The following ATP8A1 variants were observed in gnomAD, a reference collection of about 807,000 sequenced individuals.
The protein encoded by ATP8A1 is ATPase phospholipid transporting 8A1.
In ATP8A1, 90 loss-of-function variants were observed where a neutral mutation model predicts 177.7. The ratio of observed to expected loss-of-function variants is 0.51; its 90% CI spans 0.43 to 0.60. The LOEUF (loss-of-function observed/expected upper bound fraction) is 0.60. Ranked by LOEUF, ATP8A1 falls within the 20% of genes least tolerant of loss-of-function variation. The pLI is 0.00. For synonymous variants in ATP8A1, 493 were observed against 485.9 expected (o/e 1.01, Z -0.19); for missense variants, 1,072 against 1,392.8 (o/e 0.77, Z 3.67).
chr4:42,656,960 A>C lies in ATP8A1; in HGVS notation c.-87T>G. 7.5e-7 allele frequency: 1 copy of C among 1,332,264 alleles called. No individual in the cohort carries two copies. The highest frequency in any genetic ancestry group is 9.8e-7 in the Non-Finnish European group (1 of 1,016,972). The allele number at this position is 1,332,264 out of a possible 1,614,324, so 82.5% of individuals were successfully genotyped here. A position where few individuals can be genotyped will look rare whatever the true frequency, so the allele number is the denominator to read the frequency against. On this transcript the variant is annotated 5_prime_UTR_variant, in exon 1 of 37. Transcript: ENST00000381668. The stretch of plus-strand genomic sequence containing the variant: ...CGCGGGAGACCCGGCTGCGCCGCGC[A>C]GAGCGCTCAGCTGCAGCCTGGGCCG...
At chr4:42,540,223 C>T (rs925071456) in intron 20 of ATP8A1, among the ~76,000 whole-genome samples, 2 of 152,058 alleles carry the variant, frequency 1.3e-5, no homozygotes, top group Admixed American at 1.3e-4. Context: ...ATCAAAACCA[C>T]AATGAGATGT....
chr4:42,552,900 A>G (rs755286391), intron 16 of ATP8A1, among the ~76,000 whole-genome samples: 1 of 152,090 alleles, frequency 6.6e-6, no homozygotes, highest in Non-Finnish European at 1.5e-5. Context: ...AATCGCTTGA[A>G]CCCGGGAGGC....
chr4:42,464,615 A>T (rs1719531192), intron 27 of ATP8A1, 75 bp downstream of exon 27: 2 of 832,048 alleles, frequency 2.4e-6, no homozygotes. Flanking sequence ...AAACCATGAG[A>T]AAACGTCTCC....
At chr4:42,629,104 A>C (rs1738442490) in intron 1 of ATP8A1, among the ~76,000 whole-genome samples, 1 of 152,190 alleles carries the variant, frequency 6.6e-6, no homozygotes, top group African/African-American at 2.4e-5. Flanking sequence ...TGTATTCAAG[A>C]ATTTCTGTGG....
chr4:42,511,856 A>T (rs572742590), intron 22 of ATP8A1, among the ~76,000 whole-genome samples: 26 of 152,276 alleles, frequency 1.7e-4, no homozygotes, highest in Admixed American at 1.2e-3. Context: ...CTTCTAAATG[A>T]GAAAGATATA....
At chr4:42,516,101 T>G (rs915572111) in intron 22 of ATP8A1, among the ~76,000 whole-genome samples, 1 of 152,240 alleles carries the variant, frequency 6.6e-6, no homozygotes, top group African/African-American at 2.4e-5. Context: ...ATAATTCATT[T>G]ATTCATCAAA....
At chr4:42,510,743 T>A (rs993482788) in intron 22 of ATP8A1, among the ~76,000 whole-genome samples, 1 of 152,156 alleles carries the variant, frequency 6.6e-6, no homozygotes, top group African/African-American at 2.4e-5. Context: ...AGTCCACCAA[T>A]ATAAAATACA....
chr4:42,443,722 C>T, intron 32 of ATP8A1, 50 bp from the exon 33 acceptor site: 1 of 797,494 alleles, frequency 1.3e-6, no homozygotes, highest in African/African-American at 1.7e-5. Flanking sequence ...AGACCGAGTA[C>T]ACAAATACTA....
At chr4:42,572,503 C>T (rs530999279) in intron 14 of ATP8A1, among the ~76,000 whole-genome samples, 7 of 151,598 alleles carry the variant, frequency 4.6e-5, no homozygotes, top group African/African-American at 7.3e-5. Context: ...CAACTCTCTA[C>T]GATGCTAACA....
chr4:42,494,483 G>T (rs1357187683), intron 24 of ATP8A1, among the ~76,000 whole-genome samples: 2 of 152,078 alleles, frequency 1.3e-5, no homozygotes, highest in Non-Finnish European at 2.9e-5. Context: ...TCATGTGACT[G>T]GGATAATTTT....
chr4:42,640,494 G>A (rs1051400137), intron 1 of ATP8A1, among the ~76,000 whole-genome samples: 1 of 152,170 alleles, frequency 6.6e-6, no homozygotes, highest in African/African-American at 2.4e-5. Flanking sequence ...GTGACTGGTG[G>A]GGATCAGTAA....
intron 9 of ATP8A1, among the ~76,000 whole-genome samples, chr4:42,586,145 G>T (rs747781800): frequency 6.6e-6 from 1 of 152,092 alleles, no homozygotes; most frequent in Non-Finnish European, 1.5e-5. Context: ...AGGAACTCTG[G>T]GAAGTCATCA....
In ATP8A1 at chr4:42,411,408, A is replaced by G. The variant is rs1251104311; in HGVS notation, c.*1508T>C. The G allele has an allele frequency of 2.0e-5, 3 of 152,196 alleles. No individual in the cohort carries two copies. Among genetic ancestry groups the G allele is most frequent in the Admixed American group, 1.3e-4 (2 of 15,272 alleles). 9.4% of individuals were successfully genotyped at this position (152,196 alleles called of 1,614,324 possible). A position where few individuals can be genotyped will look rare whatever the true frequency, so the allele number is the denominator to read the frequency against. ...TTTTTTAAAAGAGAAAGTTCTACCTATTTTGCTGGTAAGTCCATGTAAAGG... is the reference window on the plus strand; with the variant it reads ...TTTTTTAAAAGAGAAAGTTCTACCTGTTTTGCTGGTAAGTCCATGTAAAGG... On this transcript the variant is annotated 3_prime_UTR_variant, in exon 37 of 37. Transcript: ENST00000381668.
At position 42,485,621 on chromosome 4, in the gene ATP8A1, A is replaced by G. The variant is rs770922930; in HGVS notation, c.2199T>C (p.Ala733=). Residue 733 remains alanine, a synonymous_variant, in exon 25 of 37, where the codon GCT becomes GCC. Transcript: ENST00000381668. ...LSRHCTTLGD[A]LRKENDFALI... is the part of the protein sequence containing the mutation. Reference sequence around the variant, plus strand: ...GAGCAAAATCATTCTCTTTCCGGAGAGCATCACCAAGGGTAGTACAGTGAC... The same window carrying G: ...GAGCAAAATCATTCTCTTTCCGGAGGGCATCACCAAGGGTAGTACAGTGAC... 1.9e-6 allele frequency: 3 copies of G among 1,613,612 alleles called. No homozygotes were observed. The highest frequency in any genetic ancestry group is 1.1e-5 in the South Asian group (1 of 91,066).
chr4:42,494,038 C>T (rs979399764), intron 24 of ATP8A1, among the ~76,000 whole-genome samples: 6 of 151,174 alleles, frequency 4.0e-5, no homozygotes, highest in Admixed American at 2.6e-4. Context: ...CCCTTCTCTA[C>T]TAAAACAAAA....
chr4:42,637,745 T>G (rs1352470651), intron 1 of ATP8A1, among the ~76,000 whole-genome samples: 1 of 152,214 alleles, frequency 6.6e-6, no homozygotes, highest in Non-Finnish European at 1.5e-5. Context: ...ACCTCTCCCT[T>G]TAACTCTGTC....
rs530611177 is a variant in ATP8A1, at chr4:42,483,595, G to A, written c.2324+1901C>T. ...AAGCCCAGAGGTCCATGTGACTTGTGAGCATCCAGAACAAGGATTTCGGGA... is the reference window on the plus strand; with the variant it reads ...AAGCCCAGAGGTCCATGTGACTTGTAAGCATCCAGAACAAGGATTTCGGGA... On this transcript the variant is annotated intron_variant, in intron 25 of 36. Transcript: ENST00000381668. Among the ~76,000 whole-genome samples the A allele has an allele frequency of 9.9e-5, 15 of 152,258 alleles. No homozygotes were observed. In the South Asian group the frequency reaches 2.9e-3, roughly 29 times the overall value.
At chr4:42,425,857 T>C (rs1714552667) in intron 33 of ATP8A1, among the ~76,000 whole-genome samples, 1 of 151,774 alleles carries the variant, frequency 6.6e-6, no homozygotes, top group Admixed American at 6.6e-5. Flanking sequence ...CAAGGCACTG[T>C]GAAACCAAAT....
chr4:42,537,266 C>A (rs1233504054), intron 20 of ATP8A1, among the ~76,000 whole-genome samples: 2 of 151,630 alleles, frequency 1.3e-5, no homozygotes, highest in African/African-American at 4.8e-5. Flanking sequence ...AAGAGGCATA[C>A]CTTAAGGTAA....
Sources: allele counts gnomAD v4.1 joint callset (sites outside exome capture counted in the v4.1 genomes callset), GRCh38; gene constraint gnomAD v4.1.1; transcripts MANE v1.5; gene names NCBI Gene and HGNC (gene_info 2026-07-23, HGNC 2026-07-21).